The following POU2F1 variants were observed in gnomAD, a reference collection of about 807,000 sequenced individuals.
POU2F1 encodes the protein POU class 2 homeobox 1.
A neutral mutation model predicts 84.9 loss-of-function variants in POU2F1; 16 were observed. The ratio of observed to expected loss-of-function variants is 0.19; its 90% CI spans 0.13 to 0.29. The LOEUF (loss-of-function observed/expected upper bound fraction) is 0.29, where lower values mean the gene tolerates loss of function less well. POU2F1 is among the 10% of genes least tolerant of loss of function. The probability of loss-of-function intolerance (pLI) is 1.00; values close to 1 mark genes in which losing one functional copy is unlikely to be tolerated. For synonymous variants in POU2F1, 368 were observed against 368.3 expected (o/e 1.00, Z 0.01); for missense variants, 738 against 942.6 (o/e 0.78, Z 2.84).
At chr1:167,248,754 A>T (rs1004394855) in intron 1 of POU2F1, among the ~76,000 whole-genome samples, 1 of 152,226 alleles carries the variant, frequency 6.6e-6, no homozygotes. Flanking sequence ...TTTAACTACA[A>T]TAATAGGTAA....
At chr1:167,282,489 A>G (rs528733719) in intron 1 of POU2F1, among the ~76,000 whole-genome samples, 7 of 152,312 alleles carry the variant, frequency 4.6e-5, no homozygotes, top group African/African-American at 1.4e-4. Flanking sequence ...TAAAACTCCT[A>G]AAACCACTCA....
rs542955411 is a variant in POU2F1 at position 167,417,076 on chromosome 1, T to C, written c.*1266T>C. On this transcript the variant is annotated 3_prime_UTR_variant, in exon 16 of 16. Transcript: ENST00000367866. ...TTCTAAAGGAATTCTACTAGACTAT[T>C]TTCCATTGATAATATATACAAAAGA... 1 of 152,360 alleles carries C rather than the reference T, an allele frequency of 6.6e-6. No homozygotes were observed. The highest frequency in any genetic ancestry group is 1.9e-4 in the East Asian group (1 of 5,192). 9.4% of individuals were successfully genotyped at this position (152,360 alleles called of 1,614,324 possible).
chr1:167,238,004 A>T (rs11586652), intron 1 of POU2F1, among the ~76,000 whole-genome samples: 23,000 of 150,802 alleles, frequency 0.15, 1,989 homozygotes, highest in Non-Finnish European at 0.2. Context: ...CTGGTCTCTA[A>T]CTCCTGACCT....
intron 9 of POU2F1, among the ~76,000 whole-genome samples, chr1:167,390,399 C>G (rs1179081086): frequency 6.6e-6 from 1 of 152,070 alleles, no homozygotes; most frequent in Non-Finnish European, 1.5e-5. Flanking sequence ...TGGTGGTAGA[C>G]CTCAGTACTT....
intron 2 of POU2F1, among the ~76,000 whole-genome samples, chr1:167,364,047 T>A (rs1352283975): frequency 6.6e-6 from 1 of 152,204 alleles, no homozygotes; most frequent in African/African-American, 2.4e-5. Flanking sequence ...ATATCCATGG[T>A]CTAGACAATT....
intron 3 of POU2F1, among the ~76,000 whole-genome samples, 172 bp downstream of exon 3, chr1:167,365,739 A>C (rs990580887): frequency 1.3e-5 from 2 of 152,312 alleles, no homozygotes; most frequent in Non-Finnish European, 2.9e-5. Flanking sequence ...GGTTTAGTTG[A>C]GTGTATAGTC....
intron 2 of POU2F1, among the ~76,000 whole-genome samples, chr1:167,353,323 AT>A (rs1334565589): frequency 7.1e-6 from 1 of 141,800 alleles, no homozygotes; most frequent in Non-Finnish European, 1.5e-5. Context: ...AATACTTTAC[AT>A]TTTTCTGTTT....
intron 8 of POU2F1, chr1:167,387,240 A>G: frequency 2.2e-6 from 1 of 455,978 alleles, no homozygotes; most frequent in Non-Finnish European, 4.4e-6. Context: ...TAACCACCCC[A>G]TCTAAAGGTA....
chr1:167,298,387 A>G (rs921039628), intron 1 of POU2F1, among the ~76,000 whole-genome samples: 1 of 152,150 alleles, frequency 6.6e-6, no homozygotes, highest in African/African-American at 2.4e-5. Flanking sequence ...AAATGTATCT[A>G]TGATACAAGC....
intron 1 of POU2F1, among the ~76,000 whole-genome samples, chr1:167,285,520 G>A (rs1452968915): frequency 6.6e-6 from 1 of 151,872 alleles, no homozygotes; most frequent in African/African-American, 2.4e-5. Flanking sequence ...TGAACCCCGG[G>A]AGGCAAAGCT....
At chr1:167,404,783 TCTC>T (rs1449806517) in intron 13 of POU2F1, among the ~76,000 whole-genome samples, 6 of 152,176 alleles carry the variant, frequency 3.9e-5, no homozygotes, top group African/African-American at 9.7e-5. Flanking sequence ...ATCATAGTCT[TCTC>T]CTGTGCCCTT....
intron 8 of POU2F1, chr1:167,387,141 C>T (rs1194252988): frequency 4.4e-6 from 2 of 455,828 alleles, no homozygotes; most frequent in Non-Finnish European, 8.8e-6. Flanking sequence ...GTGGCTTCAT[C>T]CTGACTCCTG....
At chr1:167,262,360 G>GAGA (rs1333534879) in intron 1 of POU2F1, among the ~76,000 whole-genome samples, 1 of 152,132 alleles carries the variant, frequency 6.6e-6, no homozygotes, top group African/African-American at 2.4e-5. Flanking sequence ...CTTAACTAAT[G>GAGA]AGACCCCAGA....
chr1:167,365,746 A>T (rs914577969), intron 3 of POU2F1, among the ~76,000 whole-genome samples, 179 bp downstream of exon 3: 3 of 152,236 alleles, frequency 2.0e-5, no homozygotes, highest in Non-Finnish European at 4.4e-5. Context: ...TTGAGTGTAT[A>T]GTCATTGACC....
At position 167,268,103 on chromosome 1, in the gene POU2F1, G is replaced by C. The variant is rs529992526; in HGVS notation, c.61+47145G>C. On this transcript the variant is annotated intron_variant, in intron 1 of 15. Transcript: ENST00000367866. Reference sequence around the variant, plus strand: ...AATCACTTAGATATTGGTTCTGCTTGTAGAATGTTATCTTTCATGTAATCT... The same window carrying C: ...AATCACTTAGATATTGGTTCTGCTTCTAGAATGTTATCTTTCATGTAATCT... Among the ~76,000 whole-genome samples, 41 of 152,160 alleles carry C rather than the reference G, an allele frequency of 2.7e-4. 1 individual carries two copies. The South Asian group carries it at 6.8e-3, about 25-fold the overall frequency.
intron 5 of POU2F1, among the ~76,000 whole-genome samples, chr1:167,373,444 C>T (rs925245622): frequency 6.6e-6 from 1 of 152,142 alleles, no homozygotes; most frequent in Admixed American, 6.5e-5. Flanking sequence ...GCTGGAGCTT[C>T]TGTTAAACCT....
chr1:167,418,404 A>C lies in POU2F1; in HGVS notation c.*2594A>C, dbSNP rs113008356. ...ATTTAATCTTCTATCCTGACTTGAC[A>C]TCTCTACCTTTAGTCTGTGGAAATG... On this transcript the variant is annotated 3_prime_UTR_variant, in exon 16 of 16. Coordinates refer to ENST00000367866, the MANE Select transcript of POU2F1 (RefSeq NM_002697.4). 3 of 152,160 alleles carry C rather than the reference A, an allele frequency of 2.0e-5. No homozygotes were observed. The highest frequency in any genetic ancestry group is 4.4e-5 in the Non-Finnish European group (3 of 68,040). The allele number at this position is 152,160 out of a possible 1,614,324, so 9.4% of individuals were successfully genotyped here.
chr1:167,414,361 A>G (rs1053922597), intron 15 of POU2F1: 1 of 985,278 alleles, frequency 1.0e-6, no homozygotes, highest in Non-Finnish European at 1.2e-6. Flanking sequence ...AAAAGATACT[A>G]AGTTTGGAAT....
intron 1 of POU2F1, among the ~76,000 whole-genome samples, chr1:167,293,134 A>G (rs1019438637): frequency 1.3e-5 from 2 of 152,208 alleles, no homozygotes; most frequent in Non-Finnish European, 2.9e-5. Context: ...TCTATTTAAC[A>G]TAGTCCTAGA....
Sources: gnomAD v4.1 joint callset for allele counts (sites outside exome capture counted in the v4.1 genomes callset) on GRCh38, gnomAD v4.1.1 for gene constraint, MANE v1.5 for transcripts, NCBI Gene and HGNC (gene_info 2026-07-23, HGNC 2026-07-21) for gene names.